RAPGEF4: variants seen among roughly 807,000 people sequenced by gnomAD.
The protein encoded by RAPGEF4 is RAP guanine-nucleotide-exchange factor (GEF) 4.
In RAPGEF4, 66 loss-of-function variants were observed where a neutral mutation model predicts 147.9. The ratio of observed to expected loss-of-function variants is 0.45; its 90% CI spans 0.37 to 0.55. The LOEUF is 0.55. RAPGEF4 is among the 20% of genes least tolerant of loss of function. The probability of loss-of-function intolerance (pLI) is 0.00; values close to 1 mark genes in which losing one functional copy is unlikely to be tolerated. For missense variants in RAPGEF4, 1,071 were observed against 1,257.3 expected (o/e 0.85, Z 2.24); for synonymous variants, 419 against 442.7 (o/e 0.95, Z 0.67).
At chr2:172,964,261 C>T (rs557468082) in intron 8 of RAPGEF4, among the ~76,000 whole-genome samples, 187 of 152,246 alleles carry the variant, frequency 1.2e-3, no homozygotes, top group African/African-American at 4.4e-3. Context: ...CTTCTCAGTA[C>T]ACCCTCCCTG....
intron 17 of RAPGEF4, among the ~76,000 whole-genome samples, chr2:173,012,317 C>A (rs192590977): frequency 1.3e-5 from 2 of 152,132 alleles, no homozygotes; most frequent in East Asian, 3.9e-4. Flanking sequence ...TGACACATAC[C>A]GTACTCAGAA....
rs775801001 is a variant in RAPGEF4, at chr2:172,967,460, T to C, written c.1004+16T>C. 1 of 1,605,664 alleles carries C rather than the reference T, an allele frequency of 6.2e-7. No homozygotes were observed. Among genetic ancestry groups the C allele is most frequent in the Non-Finnish European group, 8.5e-7 (1 of 1,176,346 alleles). On this transcript the variant is annotated intron_variant, in intron 10 of 30. Coordinates refer to ENST00000397081, the MANE Select transcript of RAPGEF4 (RefSeq NM_007023.4). ...TTCGCAAACCGTGAGTGAGAGCTCGTGGCTCACCCCTCCAGGTCCCAAGGC... is the reference window on the plus strand; with the variant it reads ...TTCGCAAACCGTGAGTGAGAGCTCGCGGCTCACCCCTCCAGGTCCCAAGGC...
At chr2:172,957,992 G>A (rs1278993998) in intron 6 of RAPGEF4, among the ~76,000 whole-genome samples, 1 of 152,178 alleles carries the variant, frequency 6.6e-6, no homozygotes, top group Non-Finnish European at 1.5e-5. Context: ...TTAAAATATA[G>A]CCATTGCTTT....
intron 3 of RAPGEF4, among the ~76,000 whole-genome samples, chr2:172,809,689 C>A (rs1687839474): frequency 6.6e-6 from 1 of 152,014 alleles, no homozygotes; most frequent in Non-Finnish European, 1.5e-5. Context: ...CACCAATATG[C>A]CTGGCTAATT....
intron 6 of RAPGEF4, among the ~76,000 whole-genome samples, chr2:172,924,588 A>G (rs1414336133): frequency 6.6e-6 from 1 of 152,222 alleles, no homozygotes. Context: ...TTATTAGGAA[A>G]GCTCTCCAAT....
chr2:172,877,902 A>G (rs1696152497), intron 4 of RAPGEF4, among the ~76,000 whole-genome samples: 1 of 152,180 alleles, frequency 6.6e-6, no homozygotes, highest in Non-Finnish European at 1.5e-5. Context: ...GGAAATCTGC[A>G]ATATGAATAG....
chr2:172,849,958 T>C (rs530207312), intron 4 of RAPGEF4, among the ~76,000 whole-genome samples: 2 of 152,338 alleles, frequency 1.3e-5, no homozygotes, highest in East Asian at 3.9e-4. Context: ...CCTGGAGTCA[T>C]GGTGCAGTCA....
At chr2:172,932,771 A>G (rs1686126044) in intron 6 of RAPGEF4, among the ~76,000 whole-genome samples, 1 of 152,188 alleles carries the variant, frequency 6.6e-6, no homozygotes, top group African/African-American at 2.4e-5. Context: ...TTTGTGGTTG[A>G]AAGTCTCTTA....
intron 1 of RAPGEF4, among the ~76,000 whole-genome samples, chr2:172,761,496 C>T (rs62168113): frequency 0.092 from 14,071 of 152,152 alleles, 825 homozygotes; most frequent in Middle Eastern, 0.15. Context: ...ACCCAGAATT[C>T]TATACCCAGT....
At chr2:172,931,664 G>A (rs144943159) in intron 6 of RAPGEF4, among the ~76,000 whole-genome samples, 41 of 152,292 alleles carry the variant, frequency 2.7e-4, no homozygotes, top group Non-Finnish European at 4.6e-4. Context: ...TAGACAGTGA[G>A]AGCAGGAACA....
At chr2:172,973,111 T>C (rs1468011889) in intron 10 of RAPGEF4, among the ~76,000 whole-genome samples, 1 of 149,540 alleles carries the variant, frequency 6.7e-6, no homozygotes. Context: ...TTTTTTCTTT[T>C]TTTTTTTTTT....
intron 1 of RAPGEF4, among the ~76,000 whole-genome samples, chr2:172,781,074 C>G (rs1684636768): frequency 6.6e-6 from 1 of 152,132 alleles, no homozygotes; most frequent in Admixed American, 6.6e-5. Flanking sequence ...TGCATTGAAA[C>G]TCAACAGTAT....
At chr2:173,025,639 C>T (rs976218311) in intron 23 of RAPGEF4, among the ~76,000 whole-genome samples, 7 of 152,134 alleles carry the variant, frequency 4.6e-5, no homozygotes, top group African/African-American at 1.7e-4. Context: ...GACAGGGTTT[C>T]GCCATGTTGG....
intron 1 of RAPGEF4, among the ~76,000 whole-genome samples, chr2:172,769,915 T>C (rs975375638): frequency 6.6e-6 from 1 of 152,114 alleles, no homozygotes; most frequent in Admixed American, 6.5e-5. Context: ...TTACCAGAAC[T>C]CTTCACACAA....
Position 172,914,221 on chromosome 2 carries a change from C to T in RAPGEF4, c.445-3581C>T, listed in dbSNP as rs915956220. Among the ~76,000 whole-genome samples, 3 of 151,150 alleles carry T rather than the reference C, an allele frequency of 2.0e-5. No homozygotes were observed. The South Asian group carries it at 6.3e-4, about 32-fold the overall frequency. ...TTTGTTGTTGTTTGGTTTACTATTA[C>T]ATACAAGCACATGTGTTTGCATATG... On this transcript the variant is annotated intron_variant, in intron 4 of 30. Transcript: ENST00000397081.
chr2:172,838,862 A>T, intron 4 of RAPGEF4, among the ~76,000 whole-genome samples: 1 of 152,038 alleles, frequency 6.6e-6, no homozygotes, highest in East Asian at 1.9e-4. Flanking sequence ...GAAAACCAAA[A>T]CCTATTTATT....
chr2:172,838,042 T>C (rs1180813337), intron 4 of RAPGEF4, among the ~76,000 whole-genome samples: 1 of 152,172 alleles, frequency 6.6e-6, no homozygotes. Flanking sequence ...AATCAAGAGA[T>C]ACTTTGGAAA....
At chr2:172,926,040 AGGG>A (rs1171543118) in intron 6 of RAPGEF4, among the ~76,000 whole-genome samples, 5 of 49,192 alleles carry the variant, frequency 1.0e-4, no homozygotes, top group African/African-American at 3.7e-4. Flanking sequence ...GGACGGAGGG[AGGG>A]AGGGAGGGAG....
intron 4 of RAPGEF4, among the ~76,000 whole-genome samples, chr2:172,869,766 C>T (rs1445463599): frequency 3.9e-5 from 6 of 152,122 alleles, no homozygotes; most frequent in African/African-American, 4.8e-5. Context: ...TCTGCTCTGT[C>T]TCACATACGC....
Sources: allele counts gnomAD v4.1 joint callset (sites outside exome capture counted in the v4.1 genomes callset), GRCh38; gene constraint gnomAD v4.1.1; transcripts MANE v1.5; gene names NCBI Gene and HGNC (gene_info 2026-07-23, HGNC 2026-07-21).